UBE2D3: variants seen among roughly 807,000 people sequenced by gnomAD.
The protein encoded by UBE2D3 is ubiquitin conjugating enzyme E2 D3, also known as ubiquitin-conjugating enzyme E2 D3.
Under a neutral mutation model 22.8 loss-of-function variants are expected in UBE2D3, and 2 were observed. The observed-to-expected ratio is 0.09, with a 90% confidence interval of 0.04 to 0.28. The LOEUF (loss-of-function observed/expected upper bound fraction) is 0.28, where lower values mean the gene tolerates loss of function less well. Ranked by LOEUF, UBE2D3 falls within the 10% of genes least tolerant of loss-of-function variation. The pLI is 1.00. For missense variants in UBE2D3, 27 were observed against 182.5 expected, an observed-to-expected ratio of 0.15 and a Z score of 4.91; for synonymous variants, 56 against 60.4, an observed-to-expected ratio of 0.93 and a Z score of 0.34.
chr4:102,826,824 A>T, intron 1 of UBE2D3, 188 bp from the exon 2 acceptor site: 1 of 1,209,316 alleles, frequency 8.3e-7, no homozygotes, highest in Non-Finnish European at 1.0e-6. Flanking sequence ...GGTGGTGGCT[A>T]CAAGTTTAAC....
chr4:102,799,842 G>C (rs1200525637), intron 6 of UBE2D3, among the ~76,000 whole-genome samples: 2 of 140,842 alleles, frequency 1.4e-5, no homozygotes, highest in Admixed American at 7.1e-5. Flanking sequence ...TGGGGGGGGG[G>C]GGACTTTAGC....
Position 102,868,727 on chromosome 4 carries a change from C to T in UBE2D3, c.-141G>A, listed in dbSNP as rs776195144. ...GCAAGAGACTCACTTTTGAAAGGCA[C>T]TTTCGGTTAGAAAGCATTCTCACAT... On this transcript the variant is annotated 5_prime_UTR_variant, in exon 1 of 8. Transcript: ENST00000338145. 3.7e-6 allele frequency: 6 copies of T among 1,613,986 alleles called. No homozygotes were observed. In the Admixed American group the frequency reaches 5.0e-5, roughly 13 times the overall value.
chr4:102,827,443 C>T lies in UBE2D3; in HGVS notation c.-145G>A, dbSNP rs1381622285. 3.0e-6 allele frequency: 3 copies of T among 986,068 alleles called. No homozygotes were observed. In the African/African-American group the frequency reaches 5.2e-5, roughly 17 times the overall value. 61.1% of individuals were successfully genotyped at this position (986,068 alleles called of 1,614,324 possible). On this transcript the variant is annotated 5_prime_UTR_variant, in exon 1 of 8. Transcript: ENST00000453744. ...CACGCGTACAGAGGGGCCGGGGCCT[C>T]CCTCAAGCTGCGGCCTCGGCCTCCT...
intron 2 of UBE2D3, chr4:102,811,768 T>G (rs781253686): frequency 2.2e-6 from 1 of 447,672 alleles, no homozygotes; most frequent in South Asian, 1.6e-5. Context: ...ATAAAAAAGA[T>G]ACAACAGAGA....
At chr4:102,860,215 G>C (rs905437129) in intron 1 of UBE2D3, among the ~76,000 whole-genome samples, 5 of 151,802 alleles carry the variant, frequency 3.3e-5, no homozygotes, top group African/African-American at 1.2e-4. Context: ...TCCTGATTTC[G>C]TTTAGCTCAC....
At chr4:102,836,835 AT>A (rs1433725587) in intron 1 of UBE2D3, among the ~76,000 whole-genome samples, 2 of 151,962 alleles carry the variant, frequency 1.3e-5, no homozygotes, top group African/African-American at 4.8e-5. Flanking sequence ...GCCTGTCTGT[AT>A]TTTTCCCCAT....
intron 1 of UBE2D3, among the ~76,000 whole-genome samples, chr4:102,852,927 T>G (rs1162723331): frequency 6.6e-6 from 1 of 152,106 alleles, no homozygotes; most frequent in Admixed American, 6.6e-5. Context: ...TTTTTCCCAG[T>G]CTGAAAAGAT....
At chr4:102,820,126 G>C (rs1729364148) in intron 2 of UBE2D3, among the ~76,000 whole-genome samples, 1 of 152,100 alleles carries the variant, frequency 6.6e-6, no homozygotes, top group Non-Finnish European at 1.5e-5. Context: ...AAAATACAAA[G>C]GTGCGAACCA....
intron 1 of UBE2D3, among the ~76,000 whole-genome samples, chr4:102,836,475 G>A (rs575470527): frequency 2.0e-5 from 3 of 152,096 alleles, no homozygotes; most frequent in South Asian, 2.1e-4. Context: ...ATTACAAATA[G>A]GGCTACTATG....
intron 2 of UBE2D3, chr4:102,811,966 T>C (rs1728114869): frequency 4.9e-6 from 1 of 205,230 alleles, no homozygotes; most frequent in Non-Finnish European, 1.0e-5. Flanking sequence ...GAACAACTTA[T>C]TCCCTATAAC....
chr4:102,865,915 GTTTC>G (rs1212523735), intron 1 of UBE2D3, among the ~76,000 whole-genome samples: 4 of 152,166 alleles, frequency 2.6e-5, no homozygotes, highest in Admixed American at 1.3e-4. Context: ...TCTGACCACA[GTTTC>G]TTTATGTCTT....
chr4:102,811,969 C>A, intron 2 of UBE2D3: 1 of 193,448 alleles, frequency 5.2e-6, no homozygotes, highest in South Asian at 6.2e-5. Flanking sequence ...CAACTTATTC[C>A]CTATAACTAC....
intron 4 of UBE2D3, chr4:102,809,138 T>C: frequency 3.2e-6 from 1 of 308,308 alleles, no homozygotes; most frequent in Non-Finnish European, 7.2e-6. Context: ...AATATTCAAT[T>C]ATCCAGCATA....
intron 2 of UBE2D3, among the ~76,000 whole-genome samples, chr4:102,822,210 T>C (rs574155078): frequency 5.9e-5 from 9 of 152,328 alleles, no homozygotes; most frequent in African/African-American, 1.9e-4. Context: ...AAGAAAAGTA[T>C]GCAGTGTCAG....
intron 1 of UBE2D3, among the ~76,000 whole-genome samples, chr4:102,848,709 T>C (rs1443185866): frequency 2.0e-5 from 3 of 152,062 alleles, no homozygotes; most frequent in Non-Finnish European, 4.4e-5. Context: ...GTCCCAGCTA[T>C]TTAGGAGGCT....
chr4:102,828,192 G>A (rs1309958108), upstream of UBE2D3: 1 of 985,476 alleles, frequency 1.0e-6, no homozygotes, highest in Non-Finnish European at 1.2e-6. Flanking sequence ...ACTGGTAAGA[G>A]CGCGCGCAGA....
rs1306713487 is a variant in UBE2D3 at position 102,795,865 on chromosome 4, A to G, written c.*1550T>C. The G allele has an allele frequency of 6.6e-6, 1 of 152,402 alleles. No individual in the cohort carries two copies. The highest frequency in any genetic ancestry group is 6.6e-5 in the Admixed American group (1 of 15,250). The allele number at this position is 152,402 out of a possible 1,614,324, so 9.4% of individuals were successfully genotyped here. On this transcript the variant is annotated 3_prime_UTR_variant, in exon 8 of 8. Transcript: ENST00000453744. ...AGTGAACAAAATCAAAATAAACAGG[A>G]AAAATGTAAAACTATGGGATCAGAA... is the stretch of plus-strand genomic sequence containing the variant.
At chr4:102,803,595 A>T (rs1726545469) in intron 4 of UBE2D3, among the ~76,000 whole-genome samples, 1 of 152,228 alleles carries the variant, frequency 6.6e-6, no homozygotes, top group Non-Finnish European at 1.5e-5. Context: ...GTGTTAAGGG[A>T]TCCAAAGAAC....
chr4:102,850,936 C>T (rs72933517), intron 1 of UBE2D3, among the ~76,000 whole-genome samples: 300 of 137,978 alleles, frequency 2.2e-3, no homozygotes, highest in African/African-American at 7.9e-3. Context: ...TTGTTGGGGG[C>T]GGGTGAGAGG....
Sources: gnomAD v4.1 joint callset for allele counts (sites outside exome capture counted in the v4.1 genomes callset) on GRCh38, gnomAD v4.1.1 for gene constraint, MANE v1.5 for transcripts, NCBI Gene and HGNC (gene_info 2026-07-23, HGNC 2026-07-21) for gene names.